Variants in HECTD4 observed in about 807,000 individuals in gnomAD.
HECTD4 encodes HECT domain E3 ubiquitin protein ligase 4, also known as probable E3 ubiquitin-protein ligase HECTD4.
Under a neutral mutation model 471.5 loss-of-function variants are expected in HECTD4, and 114 were observed. That is an observed-to-expected ratio of 0.24 (90% CI 0.21 to 0.28). HECTD4 has a LOEUF of 0.28. HECTD4 is among the 10% of genes least tolerant of loss of function. The pLI, the probability that HECTD4 is intolerant of heterozygous loss-of-function variation, is 1.00. For synonymous variants in HECTD4, 2,012 were observed against 2,256.0 expected, an observed-to-expected ratio of 0.89 and a Z score of 3.07; for missense variants, 3,866 against 5,651.5, an observed-to-expected ratio of 0.68 and a Z score of 10.13.
chr12:112,211,223 A>T (rs758262473), intron 49 of HECTD4, among the ~76,000 whole-genome samples: 1 of 152,100 alleles, frequency 6.6e-6, no homozygotes, highest in Non-Finnish European at 1.5e-5. Flanking sequence ...GGTGGTACAC[A>T]TCTGGAGTCT....
chr12:112,167,252 G>T, intron 72 of HECTD4, 65 bp downstream of exon 72: 3 of 1,414,308 alleles, frequency 2.1e-6, no homozygotes, highest in Non-Finnish European at 2.9e-6. Context: ...CTGCATGGAG[G>T]CCTAAGCAAG....
Position 112,193,155 on chromosome 12 carries a change from T to C in HECTD4, c.8992A>G (p.Ile2998Val), listed in dbSNP as rs545413763. Residue 2998 changes from isoleucine to valine, a missense_variant, in exon 58 of 76, where the codon ATT becomes GTT. Around this residue, in one of 16 missense-constraint regions of HECTD4, gnomAD observed 364 missense variants for 413.2 expected, o/e 0.88. Transcript: ENST00000682272. This position sits in a 1 kb window ranked among gnomAD's most constrained non-coding sequence, Gnocchi z 5.2. The part of the protein sequence containing the change: ...PEQFPSEEFP[I>V]SESKVNMDVN... ...TCCATGTTGACTTTGGATTCGGAAA[T>C]TGGGAACTCTTCGGAGGGGAACTGC... is the stretch of plus-strand genomic sequence containing the variant. 2.5e-5 allele frequency: 40 copies of C among 1,613,770 alleles called. No homozygotes were observed. Among genetic ancestry groups the C allele is most frequent in the East Asian group, 8.9e-5 (4 of 44,898 alleles).
chr12:112,179,170 C>G lies in HECTD4; in HGVS notation c.11211+4G>C. ...GCCTGGGTATGGTGGGGACGGGCAG[C>G]TACCTGGGTGAGCTGATCCTCCAGC... On this transcript the variant is annotated splice_donor_region_variant and intron_variant, in intron 63 of 75. Coordinates refer to ENST00000682272, the MANE Select transcript of HECTD4 (RefSeq NM_001388303.1). The surrounding 1 kb of genome is among the most constrained non-coding windows in gnomAD (Gnocchi z 4.3). 6.2e-7 allele frequency: 1 copy of G among 1,613,570 alleles called. No homozygotes were observed. Among genetic ancestry groups the G allele is most frequent in the Non-Finnish European group, 8.5e-7 (1 of 1,179,730 alleles).
At chr12:112,294,393 GT>G (rs1367965932) in intron 7 of HECTD4, among the ~76,000 whole-genome samples, 2 of 152,180 alleles carry the variant, frequency 1.3e-5, no homozygotes, top group Non-Finnish European at 2.9e-5. Context: ...ATTTCATAAA[GT>G]TTTTTGCCTG....
In HECTD4 at chr12:112,163,703, G is replaced by A. The variant is rs941681149; in HGVS notation, c.12736C>T (p.Arg4246Trp). 2.6e-6 allele frequency: 4 copies of A among 1,510,880 alleles called. No individual in the cohort carries two copies. Among genetic ancestry groups the A allele is most frequent in the African/African-American group, 1.4e-5 (1 of 71,786 alleles). The allele number at this position is 1,510,880 out of a possible 1,614,324, so 93.6% of individuals were successfully genotyped here. ...ENKDIYAAAI[R>W]SLRLRELQNV... ...TGCAGCTCCCGCAGCCGCAGGCTCC[G>A]GATGGCTGCCGCGTAGATGTCCTTG... Residue 4246 changes from arginine to tryptophan, a missense_variant, in exon 74 of 76, where the codon CGG becomes TGG. By Grantham distance (101) the Arg-to-Trp change is moderately radical. Coordinates refer to ENST00000682272, the MANE Select transcript of HECTD4 (RefSeq NM_001388303.1). This position sits in a 1 kb window ranked among gnomAD's most constrained non-coding sequence, Gnocchi z 8.2.
chr12:112,252,333 C>G (rs2033909420), intron 23 of HECTD4, 91 bp downstream of exon 23: 1 of 1,280,832 alleles, frequency 7.8e-7, no homozygotes, highest in East Asian at 2.7e-5. Context: ...GACTCATATT[C>G]TGCCCTGTTT....
chr12:112,219,097 T>C (rs971472253), intron 45 of HECTD4, among the ~76,000 whole-genome samples: 1 of 144,980 alleles, frequency 6.9e-6, no homozygotes, highest in Non-Finnish European at 1.5e-5. Flanking sequence ...TCTCTAAACT[T>C]AAAAAAAAAA....
At chr12:112,372,423 C>T (rs1285045588) in intron 1 of HECTD4, among the ~76,000 whole-genome samples, 1 of 151,988 alleles carries the variant, frequency 6.6e-6, no homozygotes, top group Non-Finnish European at 1.5e-5. Context: ...CCATGCCCGG[C>T]TAATTTTTTG....
chr12:112,331,626 A>G (rs1205625453), intron 1 of HECTD4, among the ~76,000 whole-genome samples: 1 of 152,228 alleles, frequency 6.6e-6, no homozygotes, highest in Non-Finnish European at 1.5e-5. Flanking sequence ...ATTGCTAAAT[A>G]ATTGTTATGA....
At chr12:112,208,472 T>C (rs957009373) in intron 51 of HECTD4, 22 bp downstream of exon 51, 1 of 1,561,770 alleles carries the variant, frequency 6.4e-7, no homozygotes, top group East Asian at 2.3e-5. Flanking sequence ...TGAGTCCTGA[T>C]CTAAGCCTGT....
intron 52 of HECTD4, among the ~76,000 whole-genome samples, chr12:112,207,646 G>A (rs1450132242): frequency 6.6e-6 from 1 of 152,152 alleles, no homozygotes; most frequent in African/African-American, 2.4e-5. Context: ...AACCACTCCA[G>A]CTTCACTGCA....
intron 8 of HECTD4, among the ~76,000 whole-genome samples, chr12:112,279,968 T>C (rs2034599107): frequency 1.3e-5 from 2 of 152,218 alleles, no homozygotes; most frequent in African/African-American, 2.4e-5. Context: ...TTGAGCATCA[T>C]GTAGGCACTC....
intron 3 of HECTD4, among the ~76,000 whole-genome samples, chr12:112,314,253 A>G (rs899993119): frequency 3.3e-5 from 5 of 152,232 alleles, no homozygotes; most frequent in Non-Finnish European, 7.3e-5. Context: ...AGAACTAAAA[A>G]ATAATGAAAA....
At chr12:112,245,282 C>A (rs1428824806) in intron 29 of HECTD4, among the ~76,000 whole-genome samples, 2 of 152,198 alleles carry the variant, frequency 1.3e-5, no homozygotes, top group Non-Finnish European at 2.9e-5. Flanking sequence ...GAATTACAGG[C>A]ATGAGCCACT....
rs536914675 is a variant in HECTD4, at chr12:112,323,442, A to G, written c.178-3700T>C. The stretch of plus-strand genomic sequence containing the variant: ...GTGCCAGCTTATCAGATCTGATGTA[A>G]TATCAGGATGCCATAAAATTTCAAC... On this transcript the variant is annotated intron_variant, in intron 1 of 75. Transcript: ENST00000682272. 4.6e-5 allele frequency among the ~76,000 whole-genome samples: 7 copies of G among 152,322 alleles called. No homozygotes were observed. In the East Asian group the frequency reaches 7.7e-4, roughly 17 times the overall value.
At chr12:112,366,880 CAAAAAAAAAA>C (rs575561407) in intron 1 of HECTD4, among the ~76,000 whole-genome samples, 6 of 68,666 alleles carry the variant, frequency 8.7e-5, no homozygotes, top group Non-Finnish European at 2.9e-5. Context: ...AACTCTGTCT[CAAAAAAAAAA>C]AAAAAAGAAA....
At chr12:112,277,468 G>A (rs1170656583) in intron 9 of HECTD4, among the ~76,000 whole-genome samples, 2 of 152,166 alleles carry the variant, frequency 1.3e-5, no homozygotes, top group Non-Finnish European at 2.9e-5. Context: ...AAAGAGCTGG[G>A]TCTGGTGTCA....
chr12:112,240,135 T>A (rs770688685), intron 32 of HECTD4, 108 bp from the exon 33 acceptor site: 11 of 1,123,548 alleles, frequency 9.8e-6, no homozygotes, highest in Non-Finnish European at 1.4e-5. Context: ...AATCCAGAAC[T>A]GAAGGGATCT....
Position 112,171,223 on chromosome 12 carries a change from C to A in HECTD4, c.11826G>T (p.Leu3942=), listed in dbSNP as rs1242322352. ...IESLRLRFAL[L]QSLNTTLETF... ...TCTCCAGTGTGGTGTTGAGGGACTGCAGCAAGGCGAAGCGCAGGCGCAGGC... is the reference window on the plus strand; with the variant it reads ...TCTCCAGTGTGGTGTTGAGGGACTGAAGCAAGGCGAAGCGCAGGCGCAGGC... The change falls in exon 68 of 76, where the codon CTG becomes CTT. Residue 3942 remains leucine (L), a synonymous_variant. Transcript: ENST00000682272. 5 of 1,612,072 alleles carry A rather than the reference C, an allele frequency of 3.1e-6. No homozygotes were observed. Among genetic ancestry groups the A allele is most frequent in the Non-Finnish European group, 4.2e-6 (5 of 1,179,214 alleles).
Sources: allele counts gnomAD v4.1 joint callset (sites outside exome capture counted in the v4.1 genomes callset), GRCh38; gene constraint gnomAD v4.1.1; regional missense constraint gnomAD v4.1.1; non-coding constraint Gnocchi (gnomAD v3.1); transcripts MANE v1.5; gene names NCBI Gene and HGNC (gene_info 2026-07-23, HGNC 2026-07-21).